The following GRIK1 variants were observed in gnomAD, a reference collection of about 807,000 sequenced individuals.
The protein encoded by GRIK1 is glutamate ionotropic receptor kainate type subunit 1.
In GRIK1, 69 loss-of-function variants were observed where a neutral mutation model predicts 105.7. The ratio of observed to expected loss-of-function variants is 0.65; its 90% confidence interval spans 0.54 to 0.80. The LOEUF (loss-of-function observed/expected upper bound fraction) is 0.80. Among genes scored for constraint, GRIK1 ranks in the 30% least tolerant of loss-of-function variants. The pLI, the probability that GRIK1 is intolerant of heterozygous loss-of-function variation, is 0.00. For missense variants in GRIK1, 1,109 were observed against 1,167.3 expected, an observed-to-expected ratio of 0.95 and a Z score of 0.73; for synonymous variants, 438 against 431.3, an observed-to-expected ratio of 1.02 and a Z score of -0.19.
At chr21:29,650,465 A>G (rs2062708690) in intron 6 of GRIK1, among the ~76,000 whole-genome samples, 1 of 152,206 alleles carries the variant, frequency 6.6e-6, no homozygotes, top group Non-Finnish European at 1.5e-5. Context: ...AGAGAAATAT[A>G]GTGAAGGTAG....
chr21:29,697,975 CTCTG>C (rs925693332), intron 1 of GRIK1, among the ~76,000 whole-genome samples: 3 of 127,228 alleles, frequency 2.4e-5, no homozygotes, highest in Non-Finnish European at 3.2e-5. Flanking sequence ...CTTTCTTTCT[CTCTG>C]TCTCTTTCTT....
chr21:29,695,628 C>T (rs1322033920), intron 1 of GRIK1, among the ~76,000 whole-genome samples: 2 of 152,120 alleles, frequency 1.3e-5, no homozygotes, highest in Non-Finnish European at 2.9e-5. Context: ...GCATGCACCA[C>T]CATGACTGGC....
intron 1 of GRIK1, among the ~76,000 whole-genome samples, chr21:29,919,379 T>C (rs576696526): frequency 6.6e-6 from 1 of 152,146 alleles, no homozygotes; most frequent in Admixed American, 6.6e-5. Flanking sequence ...GGAAGCATGG[T>C]TTGAGTGATT....
At chr21:29,820,927 A>G (rs1287363119) in intron 1 of GRIK1, among the ~76,000 whole-genome samples, 2 of 151,958 alleles carry the variant, frequency 1.3e-5, no homozygotes, top group Non-Finnish European at 2.9e-5. Context: ...TGGGAGAATA[A>G]TAACCATAAT....
intron 1 of GRIK1, among the ~76,000 whole-genome samples, chr21:29,771,764 G>T (rs980414143): frequency 6.6e-6 from 1 of 152,182 alleles, no homozygotes; most frequent in Non-Finnish European, 1.5e-5. Flanking sequence ...AGCACCTTTT[G>T]GCTATACCAG....
intron 1 of GRIK1, among the ~76,000 whole-genome samples, chr21:29,786,565 T>C (rs1347859993): frequency 6.6e-6 from 1 of 152,224 alleles, no homozygotes; most frequent in Non-Finnish European, 1.5e-5. Flanking sequence ...TCCTTCTTGG[T>C]GTCTGTCCAG....
At chr21:29,606,263 A>T (rs951262479) in intron 7 of GRIK1, among the ~76,000 whole-genome samples, 4 of 152,172 alleles carry the variant, frequency 2.6e-5, no homozygotes, top group African/African-American at 9.7e-5. Context: ...GACCTATCGG[A>T]CATTGGCCAG....
intron 1 of GRIK1, among the ~76,000 whole-genome samples, chr21:29,869,615 T>C (rs1467742346): frequency 6.6e-6 from 1 of 152,220 alleles, no homozygotes; most frequent in African/African-American, 2.4e-5. Context: ...GTTTTGAGTC[T>C]GGTAGTAAAT....
intron 1 of GRIK1, among the ~76,000 whole-genome samples, chr21:29,917,298 T>A (rs1247611999): frequency 1.3e-5 from 2 of 152,040 alleles, no homozygotes; most frequent in Non-Finnish European, 2.9e-5. Flanking sequence ...GTGACTGAAA[T>A]TGAGAGAAAT....
At chr21:29,618,067 A>T (rs1298959752) in intron 7 of GRIK1, among the ~76,000 whole-genome samples, 1 of 152,098 alleles carries the variant, frequency 6.6e-6, no homozygotes, top group Non-Finnish European at 1.5e-5. Context: ...CACCTTGATA[A>T]TCTCTAATTG....
chr21:29,701,424 G>A (rs189204466), intron 1 of GRIK1, among the ~76,000 whole-genome samples: 65 of 152,312 alleles, frequency 4.3e-4, no homozygotes, highest in African/African-American at 1.5e-3. Context: ...GGTGGGAGCA[G>A]CCTGATGCTA....
intron 7 of GRIK1, among the ~76,000 whole-genome samples, chr21:29,622,592 A>G (rs542204648): frequency 4.1e-4 from 62 of 152,322 alleles, no homozygotes; most frequent in Middle Eastern, 3.4e-3. Context: ...GGTGATGACC[A>G]ATAGCCAATG....
In GRIK1 at chr21:29,877,997, T is replaced by C. The variant is rs529933936; in HGVS notation, c.118+61386A>G. ...AGGTGGAATGTGGGGAGATTAATTA[T>C]GCCTAGGAGGCACTATGGGAAGAGT... On this transcript the variant is annotated intron_variant, in intron 1 of 17. Coordinates refer to ENST00000327783, the MANE Select transcript of GRIK1 (RefSeq NM_001330994.2). 2.9e-4 allele frequency among the ~76,000 whole-genome samples: 44 copies of C among 152,316 alleles called. 1 individual carries two copies. The highest frequency in any genetic ancestry group is 1.0e-3 in the African/African-American group (43 of 41,572).
At chr21:29,803,700 T>C (rs1777088434) in intron 1 of GRIK1, among the ~76,000 whole-genome samples, 1 of 152,146 alleles carries the variant, frequency 6.6e-6, no homozygotes, top group South Asian at 2.1e-4. Flanking sequence ...AAATCCACAA[T>C]TGGCTTACTG....
chr21:29,603,061 A>G (rs369803789), intron 7 of GRIK1, among the ~76,000 whole-genome samples: 2 of 152,286 alleles, frequency 1.3e-5, no homozygotes, highest in East Asian at 3.9e-4. Flanking sequence ...CACACCTTTA[A>G]ATATTAATGA....
intron 1 of GRIK1, among the ~76,000 whole-genome samples, chr21:29,778,183 G>T (rs966942355): frequency 2.0e-5 from 3 of 152,146 alleles, no homozygotes; most frequent in African/African-American, 7.2e-5. Context: ...CTGAAGAAAA[G>T]CACAGATCTC....
At position 29,558,967 on chromosome 21, in the gene GRIK1, G is replaced by A. The variant is rs528235023; in HGVS notation, c.2356+2657C>T. 1.6e-3 allele frequency among the ~76,000 whole-genome samples: 248 copies of A among 152,168 alleles called. 1 individual carries two copies. The highest frequency in any genetic ancestry group is 5.7e-3 in the African/African-American group (237 of 41,522). ...AAAAGTCTCATGTTAAAGTTCAAAC[G>A]TTCTTAGGAGAGATGATACACATTG... On this transcript the variant is annotated intron_variant, in intron 15 of 17. Transcript: ENST00000327783.
intron 1 of GRIK1, among the ~76,000 whole-genome samples, chr21:29,885,265 A>T (rs1203552249): frequency 6.6e-6 from 1 of 152,072 alleles, no homozygotes; most frequent in Non-Finnish European, 1.5e-5. Flanking sequence ...ATGGTTAAAT[A>T]GTCTTCAACT....
chr21:29,699,280 T>G (rs2063768234), intron 1 of GRIK1, among the ~76,000 whole-genome samples: 1 of 152,236 alleles, frequency 6.6e-6, no homozygotes, highest in Non-Finnish European at 1.5e-5. Context: ...AAAATGTGAC[T>G]GTATTTAGAA....
Sources: gnomAD v4.1 joint callset for allele counts (sites outside exome capture counted in the v4.1 genomes callset) on GRCh38, gnomAD v4.1.1 for gene constraint, MANE v1.5 for transcripts, NCBI Gene and HGNC (gene_info 2026-07-23, HGNC 2026-07-21) for gene names.